Variants in WFDC13 observed in about 807,000 individuals in gnomAD.
WFDC13 encodes WAP four-disulfide core domain protein 13.
A neutral mutation model predicts 10.9 loss-of-function variants in WFDC13; 6 were observed. The ratio of observed to expected loss-of-function variants is 0.55; its 90% CI spans 0.30 to 1.09. WFDC13 has a LOEUF of 1.09. WFDC13 is among the 50% of genes least tolerant of loss of function. WFDC13 has a pLI of 0.06. For synonymous variants in WFDC13, 38 were observed against 39.5 expected (o/e 0.96, Z 0.14); for missense variants, 104 against 109.6 (o/e 0.95, Z 0.23).
chr20:45,707,766 G>T (rs976228182), intron 3 of WFDC13, 92 bp from the exon 4 acceptor site: 15 of 152,170 alleles, frequency 9.9e-5, no homozygotes, highest in Non-Finnish European at 1.9e-4. Flanking sequence ...ACAGTTCAAT[G>T]ACAGTAATTC....
intron 1 of WFDC13, among the ~76,000 whole-genome samples, chr20:45,703,708 A>G (rs1288554139): frequency 6.6e-6 from 1 of 152,122 alleles, no homozygotes; most frequent in African/African-American, 2.4e-5. Flanking sequence ...GAACTGAAAT[A>G]CTTGGGGGTA....
In WFDC13 at chr20:45,704,490, T is replaced by C. The variant is rs749047266; in HGVS notation, c.135T>C (p.Cys45=). The C allele has an allele frequency of 6.8e-6, 11 of 1,614,022 alleles. No individual in the cohort carries two copies. The Admixed American group carries it at 1.8e-4, about 27-fold the overall frequency. The change falls in exon 2 of 4, where the codon TGT becomes TGC. Residue 45 remains cysteine, a synonymous_variant. Transcript: ENST00000305479. The part of the protein sequence containing the change: ...PPPCISAPEN[C]THLCTMQEDC... ...CCTGCATATCAGCACCTGAAAACTG[T>C]ACTCACCTGTGTACAATGCAGGAAG...
rs1984310290 is a variant in WFDC13 at position 45,704,597 on chromosome 20, AAG to A, written c.239+7_239+8del. Reference sequence around the variant, plus strand: ...GAAACATTTCAAAAGCGCAACAGGTAAGAGATATCTCATATCCAGGTCTGATC... The same window carrying A: ...GAAACATTTCAAAAGCGCAACAGGTAAGATATCTCATATCCAGGTCTGATC... On this transcript the variant is annotated splice_donor_5th_base_variant and intron_variant, in intron 2 of 3. Transcript: ENST00000305479. 2 of 1,613,786 alleles carry A rather than the reference AAG, an allele frequency of 1.2e-6. No individual in the cohort carries two copies. The highest frequency in any genetic ancestry group is 8.5e-7 in the Non-Finnish European group (1 of 1,179,868).
chr20:45,704,835 CCT>C (rs1984325454), intron 2 of WFDC13: 15 of 1,454,556 alleles, frequency 1.0e-5, no homozygotes, highest in Non-Finnish European at 1.4e-5. Context: ...TCTGACTCTG[CCT>C]CTCTGAACAC....
intron 3 of WFDC13, among the ~76,000 whole-genome samples, chr20:45,706,437 A>C (rs1044167812): frequency 7.9e-5 from 12 of 152,184 alleles, no homozygotes; most frequent in Non-Finnish European, 1.5e-4. Flanking sequence ...CCAGCAACTC[A>C]CTTACAAGGT....
chr20:45,704,546 CCTT>C lies in WFDC13; in HGVS notation c.194_196del (p.Phe65del). 4.3e-6 allele frequency: 7 copies of C among 1,614,198 alleles called. No homozygotes were observed. The highest frequency in any genetic ancestry group is 5.9e-6 in the Non-Finnish European group (7 of 1,180,044). ...GAGAAAGGATTTCAGTGCTGTTCCT[CCTT>C]CTGTGGGATAGTCTGTTCATCAGAA... On this transcript the variant is annotated inframe_deletion, in exon 2 of 4. Transcript: ENST00000305479.
intron 3 of WFDC13, among the ~76,000 whole-genome samples, chr20:45,707,153 A>C (rs930329074): frequency 3.3e-5 from 5 of 152,232 alleles, no homozygotes; most frequent in Admixed American, 2.0e-4. Flanking sequence ...GGTTTCTATT[A>C]AATTAAACAC....
At position 45,704,554 on chromosome 20, in the gene WFDC13, G is replaced by A; in HGVS notation, c.199G>A (p.Gly67Arg). The A allele has an allele frequency of 2.5e-6, 4 of 1,614,136 alleles. No individual in the cohort carries two copies. Among genetic ancestry groups the A allele is most frequent in the Non-Finnish European group, 3.4e-6 (4 of 1,180,012 alleles). The change falls in exon 2 of 4, where the codon GGG becomes AGG. Residue 67 changes from glycine (G) to arginine (R), a missense_variant. By Grantham distance (125) the Gly-to-Arg change is moderately radical (BLOSUM62 -2). Transcript: ENST00000305479. ...ATTTCAGTGCTGTTCCTCCTTCTGT[G>A]GGATAGTCTGTTCATCAGAAACATT... is the stretch of plus-strand genomic sequence containing the variant. ...KGFQCCSSFC[G>R]IVCSSETFQK...
At chr20:45,704,649 CAGA>C in intron 2 of WFDC13, 55 bp downstream of exon 2, 3 of 1,591,656 alleles carry the variant, frequency 1.9e-6, no homozygotes, top group Non-Finnish European at 2.6e-6. Flanking sequence ...GGGAGCCCAG[CAGA>C]AGAGTCCCTT....
Position 45,704,410 on chromosome 20 carries a change from G to A in WFDC13, c.89-34G>A, listed in dbSNP as rs375537604. On this transcript the variant is annotated intron_variant, in intron 1 of 3. Coordinates refer to ENST00000305479, the MANE Select transcript of WFDC13 (RefSeq NM_172005.2). ...TTCTGAACATTACTCCAGCCTGTTG[G>A]TGAGGCCCTTCTCTTACTTGTTCTG... is the stretch of plus-strand genomic sequence containing the variant. 1.7e-5 allele frequency: 27 copies of A among 1,594,670 alleles called. No homozygotes were observed. The African/African-American group carries it at 3.6e-4, about 21-fold the overall frequency.
intron 1 of WFDC13, among the ~76,000 whole-genome samples, chr20:45,703,278 G>A (rs1478825803): frequency 6.6e-6 from 1 of 152,118 alleles, no homozygotes; most frequent in Non-Finnish European, 1.5e-5. Flanking sequence ...GTGCCCCAGT[G>A]AGCTATAGAA....
chr20:45,706,183 G>A (rs1984385081), intron 3 of WFDC13, among the ~76,000 whole-genome samples: 2 of 152,136 alleles, frequency 1.3e-5, no homozygotes, highest in African/African-American at 4.8e-5. Flanking sequence ...GGGAACCCAG[G>A]GCACTCAGAT....
At chr20:45,705,302 C>A in intron 2 of WFDC13, 1 of 378,546 alleles carries the variant, frequency 2.6e-6, no homozygotes, top group Admixed American at 4.0e-5. Flanking sequence ...GAAGACTCAA[C>A]CAATGAGCCC....
chr20:45,704,780 TCCTCCCCTC>T, intron 2 of WFDC13, 186 bp downstream of exon 2: 1 of 1,281,156 alleles, frequency 7.8e-7, no homozygotes, highest in Non-Finnish European at 1.1e-6. Context: ...AGAAAAGCCC[TCCTCCCCTC>T]CCAATCACCA....
chr20:45,706,601 G>T (rs1195122397), intron 3 of WFDC13, among the ~76,000 whole-genome samples: 1 of 152,046 alleles, frequency 6.6e-6, no homozygotes, highest in Non-Finnish European at 1.5e-5. Context: ...GTGAAACCCT[G>T]TCTCTACTAA....
intron 3 of WFDC13, 102 bp downstream of exon 3, chr20:45,706,029 A>G: frequency 2.0e-6 from 2 of 998,850 alleles, no homozygotes; most frequent in Non-Finnish European, 3.1e-6. Flanking sequence ...CCACAAGCTC[A>G]GAATGGCCTC....
chr20:45,706,046 C>A (rs1984378385), intron 3 of WFDC13, 119 bp downstream of exon 3: 1 of 806,520 alleles, frequency 1.2e-6, no homozygotes. Flanking sequence ...CCTCTCATTA[C>A]CTGATTGCCT....
intron 3 of WFDC13, among the ~76,000 whole-genome samples, chr20:45,707,080 G>T (rs1291846488): frequency 6.6e-6 from 1 of 152,240 alleles, no homozygotes; most frequent in Admixed American, 6.5e-5. Context: ...TTAGACGCAT[G>T]AGCACTTGCC....
At chr20:45,705,711 G>A (rs1984363907) in intron 2 of WFDC13, 152 bp from the exon 3 acceptor site, 2 of 642,842 alleles carry the variant, frequency 3.1e-6, no homozygotes, top group Non-Finnish European at 5.2e-6. Context: ...ACTCTTTGGT[G>A]TCATTGAGTT....
Sources: allele counts gnomAD v4.1 joint callset (sites outside exome capture counted in the v4.1 genomes callset), GRCh38; gene constraint gnomAD v4.1.1; transcripts MANE v1.5; gene names NCBI Gene and HGNC (gene_info 2026-07-23, HGNC 2026-07-21).